The following PRELID2 variants were observed in gnomAD, a reference collection of about 807,000 sequenced individuals.
PRELID2 encodes PRELI domain containing 2.
In PRELID2, 25 loss-of-function variants were observed where a neutral mutation model predicts 28.4. The observed-to-expected ratio is 0.88, with a 90% CI of 0.64 to 1.23. PRELID2 has a LOEUF of 1.23. Ranked by LOEUF, PRELID2 falls within the 50% of genes most tolerant of loss-of-function variation. PRELID2 has a pLI of 0.00. For missense variants in PRELID2, 201 were observed against 214.4 expected (o/e 0.94, Z 0.39); for synonymous variants, 76 against 71.6 (o/e 1.06, Z -0.31).
intron 1 of PRELID2, among the ~76,000 whole-genome samples, chr5:145,610,408 G>C (rs903228500): frequency 9.2e-5 from 14 of 151,792 alleles, no homozygotes; most frequent in African/African-American, 3.4e-4. Context: ...CCACCATCTT[G>C]ACCCATCCCC....
chr5:145,650,096 C>T (rs550499148), intron 1 of PRELID2, among the ~76,000 whole-genome samples: 1 of 152,192 alleles, frequency 6.6e-6, no homozygotes, highest in Admixed American at 6.5e-5. Flanking sequence ...TGAATTTCTC[C>T]AAGAACTAAT....
Position 145,758,167 on chromosome 5 carries a change from T to A in PRELID2, c.*2369A>T, listed in dbSNP as rs566981300. On this transcript the variant is annotated 3_prime_UTR_variant, in exon 7 of 7. Coordinates refer to ENST00000683046, the MANE Select transcript of PRELID2 (RefSeq NM_205846.3). Reference sequence around the variant, plus strand: ...TGGTTGCCAATAAAAAACTAGGAGATTTTTTTTTTAATTCTGTCTTTTCTT... The same window carrying A: ...TGGTTGCCAATAAAAAACTAGGAGAATTTTTTTTTAATTCTGTCTTTTCTT... Among the ~76,000 whole-genome samples, 16 of 141,596 alleles carry A rather than the reference T, an allele frequency of 1.1e-4. No homozygotes were observed. The highest frequency in any genetic ancestry group is 4.0e-4 in the African/African-American group (16 of 40,306). 92.9% of individuals were successfully genotyped at this position (141,596 alleles called of 152,430 possible). A position where few individuals can be genotyped will look rare whatever the true frequency, so the allele number is the denominator to read the frequency against.
rs201588182 is a variant in PRELID2, at chr5:145,648,499, TC to T, written n.70+116431del. On this transcript the variant is annotated intron_variant and non_coding_transcript_variant, in intron 1 of 2. Coordinates refer to the PRELID2 transcript ENST00000510259. ...GAAGGAGATTATAAGGATTGAGTTT[TC>T]ATTTTTTGTTAAAAAGTCAGTTGTC... is the stretch of plus-strand genomic sequence containing the variant. Among the ~76,000 whole-genome samples, 1,498 of 151,754 alleles carry T rather than the reference TC, an allele frequency of 9.9e-3. 25 individuals carry two copies. The highest frequency in any genetic ancestry group is 0.033 in the African/African-American group (1,381 of 41,530).
chr5:145,665,955 T>C (rs565300898), intron 1 of PRELID2, among the ~76,000 whole-genome samples: 15 of 140,524 alleles, frequency 1.1e-4, no homozygotes, highest in African/African-American at 4.0e-4. Context: ...CAAACTGCCT[T>C]AAGAAAAAAA....
intron 5 of PRELID2, among the ~76,000 whole-genome samples, chr5:145,768,014 CAAG>C (rs548313161): frequency 2.2e-3 from 340 of 152,124 alleles, no homozygotes; most frequent in Non-Finnish European, 3.3e-3. Flanking sequence ...ATCACGAGGT[CAAG>C]AGATGGAGAC....
chr5:145,389,148 C>T, the PRELID2 span, among the ~76,000 whole-genome samples: 3 of 152,126 alleles, frequency 2.0e-5, no homozygotes, highest in African/African-American at 4.8e-5. Context: ...TTGCAACTTT[C>T]CTATGGCTAA....
At chr5:145,629,877 GT>G (rs1464644998) in intron 1 of PRELID2, among the ~76,000 whole-genome samples, 3 of 152,072 alleles carry the variant, frequency 2.0e-5, no homozygotes, top group Admixed American at 2.0e-4. Context: ...TATAGGTATT[GT>G]CTGGAAAACA....
chr5:145,413,420 G>T, the PRELID2 span, among the ~76,000 whole-genome samples: 2 of 152,100 alleles, frequency 1.3e-5, no homozygotes, highest in Admixed American at 6.6e-5. Context: ...AAAACAGTAT[G>T]GAGATTCCTT....
the PRELID2 span, among the ~76,000 whole-genome samples, chr5:145,347,274 G>C: frequency 1.3e-5 from 2 of 152,114 alleles, no homozygotes; most frequent in Admixed American, 1.3e-4. Context: ...AGAAAGCTGA[G>C]TTGAAAAAAA....
intron 1 of PRELID2, among the ~76,000 whole-genome samples, chr5:145,511,221 A>G (rs939504021): frequency 6.6e-6 from 1 of 152,224 alleles, no homozygotes. Flanking sequence ...TGATGTGATG[A>G]TCTTCAAGAA....
intron 4 of PRELID2, among the ~76,000 whole-genome samples, chr5:145,808,074 A>C (rs914795502): frequency 3.9e-5 from 6 of 152,232 alleles, no homozygotes; most frequent in African/African-American, 1.4e-4. Flanking sequence ...GCTTTCTGCT[A>C]ATTGTTTGAT....
intron 1 of PRELID2, among the ~76,000 whole-genome samples, chr5:145,522,860 G>T (rs551587568): frequency 6.6e-6 from 1 of 151,250 alleles, no homozygotes; most frequent in Admixed American, 6.6e-5. Flanking sequence ...AAAAGAAGAA[G>T]GAGAAGAAAA....
chr5:145,834,383 T>C (rs1476555152), intron 1 of PRELID2, among the ~76,000 whole-genome samples: 3 of 152,162 alleles, frequency 2.0e-5, no homozygotes, highest in Admixed American at 6.5e-5. Flanking sequence ...TTCCTGGAAT[T>C]TGTGATACAA....
chr5:145,678,091 G>C (rs1045948265), intron 1 of PRELID2, among the ~76,000 whole-genome samples: 1 of 152,188 alleles, frequency 6.6e-6, no homozygotes, highest in South Asian at 2.1e-4. Context: ...TGTGTAAAGA[G>C]GACTAATGAA....
intron 1 of PRELID2, among the ~76,000 whole-genome samples, chr5:145,531,263 G>A (rs1752652913): frequency 6.6e-6 from 1 of 152,086 alleles, no homozygotes; most frequent in African/African-American, 2.4e-5. Context: ...GAGTTGTTAT[G>A]CTGTGTCTCT....
intron 1 of PRELID2, among the ~76,000 whole-genome samples, chr5:145,685,018 A>T (rs1755008716): frequency 6.6e-6 from 1 of 152,166 alleles, no homozygotes; most frequent in South Asian, 2.1e-4. Context: ...GTCCACATCC[A>T]ATTAATCATC....
chr5:145,301,030 T>A, the PRELID2 span, among the ~76,000 whole-genome samples: 4 of 151,852 alleles, frequency 2.6e-5, no homozygotes, highest in Non-Finnish European at 4.4e-5. Context: ...TTGTGCATAC[T>A]TTTTCCCCCT....
intron 1 of PRELID2, among the ~76,000 whole-genome samples, chr5:145,572,328 G>C (rs1753021965): frequency 6.6e-6 from 1 of 152,122 alleles, no homozygotes; most frequent in Non-Finnish European, 1.5e-5. Flanking sequence ...ATGTTCCCAG[G>C]ATCTCCTGGG....
chr5:145,445,657 C>T, the PRELID2 span, among the ~76,000 whole-genome samples: 12 of 151,952 alleles, frequency 7.9e-5, no homozygotes, highest in Non-Finnish European at 1.5e-4. Context: ...ATATAAGGTG[C>T]TCAAGCAACT....
Sources: allele counts gnomAD v4.1 joint callset (sites outside exome capture counted in the v4.1 genomes callset), GRCh38; gene constraint gnomAD v4.1.1; transcripts MANE v1.5; gene names NCBI Gene and HGNC (gene_info 2026-07-23, HGNC 2026-07-21).